Variants in CLTC observed in about 807,000 individuals in gnomAD.
CLTC encodes clathrin heavy chain.
Under a neutral mutation model 195.8 loss-of-function variants are expected in CLTC, and 16 were observed. The observed-to-expected ratio is 0.08, with a 90% CI of 0.06 to 0.12. The LOEUF (loss-of-function observed/expected upper bound fraction) is 0.12, where lower values mean the gene tolerates loss of function less well. CLTC is among the 10% of genes least tolerant of loss of function. The pLI is 1.00. For missense variants in CLTC, 796 were observed against 2,027.0 expected (o/e 0.39, Z 11.66); for synonymous variants, 667 against 689.4 (o/e 0.97, Z 0.51).
intron 5 of CLTC, 109 bp from the exon 6 acceptor site, chr17:59,655,745 C>A (rs1424686219): frequency 2.4e-6 from 2 of 822,414 alleles, no homozygotes; most frequent in Non-Finnish European, 3.5e-6. Flanking sequence ...TTTCAAATAA[C>A]CCTCTTGTTC....
At position 59,666,528 on chromosome 17, in the gene CLTC, G is replaced by T. The variant is rs1197828838; in HGVS notation, c.1831G>T (p.Ala611Ser). The T allele has an allele frequency of 6.2e-7, 1 of 1,614,066 alleles. No individual in the cohort carries two copies. Among genetic ancestry groups the T allele is most frequent in the East Asian group, 2.2e-5 (1 of 44,884 alleles). ...GNQMFTHYDR[A>S]HIAQLCEKAG... ...TCAGATGTTCACACATTATGACCGG[G>T]CTCATATTGCTCAACTGTGTGAAAA... The change falls in exon 12 of 32, where the codon GCT becomes TCT. Residue 611 changes from alanine (A) to serine (S), a missense_variant. Transcript: ENST00000269122. The surrounding 1 kb of genome is among the most constrained non-coding windows in gnomAD (Gnocchi z 4.9).
chr17:59,666,330 G>A lies in CLTC; in HGVS notation c.1782+90G>A, dbSNP rs9893154. 1,297,440 of 1,524,606 alleles carry A rather than the reference G, an allele frequency of 0.85. 553,237 individuals are homozygous for A. The highest frequency in any genetic ancestry group is 0.95 in the East Asian group (41,880 of 43,978). 94.4% of individuals were successfully genotyped at this position (1,524,606 alleles called of 1,614,324 possible). ...CAGATTGTTATGCAAAGCTACTGAG[G>A]GGCCTACTCCTTATTAAAGAAAATG... On this transcript the variant is annotated intron_variant, in intron 11 of 31. Coordinates refer to ENST00000269122, the MANE Select transcript of CLTC (RefSeq NM_004859.4). This position sits in a 1 kb window ranked among gnomAD's most constrained non-coding sequence, Gnocchi z 4.9.
intron 17 of CLTC, among the ~76,000 whole-genome samples, 187 bp from the exon 18 acceptor site, chr17:59,679,210 C>T (rs2033030202): frequency 1.3e-5 from 2 of 152,112 alleles, no homozygotes; most frequent in Admixed American, 6.5e-5. Context: ...AGATGTTGAA[C>T]TGTGTATTAC....
intron 1 of CLTC, among the ~76,000 whole-genome samples, chr17:59,634,169 A>G (rs368155278): frequency 6.6e-6 from 1 of 152,214 alleles, no homozygotes; most frequent in East Asian, 1.9e-4. Flanking sequence ...TTGGCCTGCA[A>G]AAGTGCTGGG....
chr17:59,664,027 T>C, intron 9 of CLTC, 33 bp downstream of exon 9: 1 of 1,583,530 alleles, frequency 6.3e-7, no homozygotes, highest in Non-Finnish European at 8.6e-7. Flanking sequence ...TCAGCATGAA[T>C]TCATTGAAGC....
intron 5 of CLTC, among the ~76,000 whole-genome samples, chr17:59,652,262 A>T (rs1010596428): frequency 2.6e-5 from 4 of 152,160 alleles, no homozygotes; most frequent in African/African-American, 9.7e-5. Flanking sequence ...TAATGTTGAT[A>T]TTTTGACTTC....
At chr17:59,651,181 A>G (rs369892749) in intron 4 of CLTC, 22 bp from the exon 5 acceptor site, 2 of 1,474,080 alleles carry the variant, frequency 1.4e-6, no homozygotes, top group African/African-American at 1.4e-5. Flanking sequence ...GTTTATATAC[A>G]TTTTGATTTT....
intron 14 of CLTC, among the ~76,000 whole-genome samples, chr17:59,670,146 T>A (rs2032814127): frequency 6.6e-6 from 1 of 152,340 alleles, no homozygotes; most frequent in South Asian, 2.1e-4. Context: ...AAAGATTTGA[T>A]ACTCTGTGCT....
rs1407877030 is a variant in CLTC at position 59,695,824 on chromosome 17, T to TCAA, written c.*1975_*1977dup. ...TGCTTTTGCACCCTCAGTGCAAATA[T>TCAA]CAACACAGAGAAAAAAAAAATAATA... On this transcript the variant is annotated 3_prime_UTR_variant, in exon 32 of 32. Coordinates refer to ENST00000269122, the MANE Select transcript of CLTC (RefSeq NM_004859.4). 3 of 169,200 alleles carry TCAA rather than the reference T, an allele frequency of 1.8e-5. No individual in the cohort carries two copies. The highest frequency in any genetic ancestry group is 8.2e-5 in the African/African-American group (3 of 36,552). 10.5% of individuals were successfully genotyped at this position (169,200 alleles called of 1,614,324 possible). A position where few individuals can be genotyped will look rare whatever the true frequency, so the allele number is the denominator to read the frequency against.
rs940020539 is a variant in CLTC, at chr17:59,671,885, T to C, written c.2293-1762T>C. Among the ~76,000 whole-genome samples the C allele has an allele frequency of 1.3e-5, 2 of 152,154 alleles. 1 individual carries two copies. Among genetic ancestry groups the C allele is most frequent in the South Asian group, 4.1e-4 (2 of 4,828 alleles). ...ATGTCTCAGGTTGCCTTGTGTAAAATAGAACCCATTCCTACCCCATTTTGC... is the reference window on the plus strand; with the variant it reads ...ATGTCTCAGGTTGCCTTGTGTAAAACAGAACCCATTCCTACCCCATTTTGC... On this transcript the variant is annotated intron_variant, in intron 14 of 31. Coordinates refer to ENST00000269122, the MANE Select transcript of CLTC (RefSeq NM_004859.4).
At chr17:59,672,944 ACAGGACATGTAT>A (rs1199439447) in intron 14 of CLTC, among the ~76,000 whole-genome samples, 10 of 152,198 alleles carry the variant, frequency 6.6e-5, no homozygotes, top group Admixed American at 5.9e-4. Context: ...GTGGAATGTA[ACAGGACATGTAT>A]CAGGTAAATG....
chr17:59,679,572 C>T, intron 18 of CLTC, 53 bp downstream of exon 18: 1 of 1,494,240 alleles, frequency 6.7e-7, no homozygotes, highest in Non-Finnish European at 9.0e-7. Flanking sequence ...ACATTTTTAA[C>T]TATGAATACA....
chr17:59,693,624 A>G lies in CLTC; in HGVS notation c.4904-104A>G. Reference sequence around the variant, plus strand: ...CCCATACAACTCATTTGAGGTTGAGATTATGTTGCTAGAGTGGAGGAGATT... The same window carrying G: ...CCCATACAACTCATTTGAGGTTGAGGTTATGTTGCTAGAGTGGAGGAGATT... On this transcript the variant is annotated intron_variant, in intron 31 of 31. Transcript: ENST00000269122. 8 of 1,334,350 alleles carry G rather than the reference A, an allele frequency of 6.0e-6. No homozygotes were observed. The South Asian group carries it at 1.2e-4, about 21-fold the overall frequency. 82.7% of individuals were successfully genotyped at this position (1,334,350 alleles called of 1,614,324 possible). A position where few individuals can be genotyped will look rare whatever the true frequency, so the allele number is the denominator to read the frequency against.
rs147665562 is a variant in CLTC, at chr17:59,681,247, G to A, written c.3066-48G>A. ...AGTCACAGTGGTTATTTTTTATGTC[G>A]GATAAACTTAAAATATTGCATTTAA... is the stretch of plus-strand genomic sequence containing the variant. On this transcript the variant is annotated intron_variant, in intron 19 of 31. Coordinates refer to ENST00000269122, the MANE Select transcript of CLTC (RefSeq NM_004859.4). This position sits in a 1 kb window ranked among gnomAD's most constrained non-coding sequence, Gnocchi z 5.0. 3,122 of 1,551,440 alleles carry A rather than the reference G, an allele frequency of 2.0e-3. 11 individuals are homozygous for A. The highest frequency in any genetic ancestry group is 2.6e-3 in the Non-Finnish European group (2,948 of 1,141,248).
At position 59,694,139 on chromosome 17, in the gene CLTC, C is replaced by A. The variant is rs1047759719; in HGVS notation, c.*287C>A. ...TTTAAAGAACTGCTCAATATTCAATCTGTTGTGAAGAACCTGATTTGCACT... is the reference window on the plus strand; with the variant it reads ...TTTAAAGAACTGCTCAATATTCAATATGTTGTGAAGAACCTGATTTGCACT... On this transcript the variant is annotated 3_prime_UTR_variant, in exon 32 of 32. Coordinates refer to ENST00000269122, the MANE Select transcript of CLTC (RefSeq NM_004859.4). The A allele has an allele frequency of 1.1e-5, 3 of 274,548 alleles. No homozygotes were observed. The highest frequency in any genetic ancestry group is 6.6e-5 in the African/African-American group (3 of 45,762). The allele number at this position is 274,548 out of a possible 1,614,324, so 17.0% of individuals were successfully genotyped here.
intron 30 of CLTC, among the ~76,000 whole-genome samples, chr17:59,688,419 T>C (rs888743254): frequency 2.6e-5 from 4 of 152,238 alleles, no homozygotes; most frequent in African/African-American, 7.2e-5. Context: ...CTGAATTCAT[T>C]GACATGCTTA....
At chr17:59,684,819 A>AAAT (rs1419736423) in intron 28 of CLTC, among the ~76,000 whole-genome samples, 1 of 150,756 alleles carries the variant, frequency 6.6e-6, no homozygotes, top group Non-Finnish European at 1.5e-5. Flanking sequence ...AAAAAAAGAA[A>AAAT]AAAATCTTGC....
chr17:59,642,482 T>C (rs912082985), intron 1 of CLTC, among the ~76,000 whole-genome samples: 6 of 152,162 alleles, frequency 3.9e-5, no homozygotes, highest in African/African-American at 1.2e-4. Context: ...ATGAACTTTA[T>C]GAGCCCACTG....
chr17:59,632,702 C>CA (rs1228060076), intron 1 of CLTC, among the ~76,000 whole-genome samples: 1 of 151,876 alleles, frequency 6.6e-6, no homozygotes, highest in Non-Finnish European at 1.5e-5. Context: ...TCTTCCTGAC[C>CA]AAAAAAATCA....
Sources: allele counts gnomAD v4.1 joint callset (sites outside exome capture counted in the v4.1 genomes callset), GRCh38; gene constraint gnomAD v4.1.1; non-coding constraint Gnocchi (gnomAD v3.1); transcripts MANE v1.5; gene names NCBI Gene and HGNC (gene_info 2026-07-23, HGNC 2026-07-21).